Variants in DLC1 observed in about 807,000 individuals in gnomAD.
DLC1 encodes the protein rho GTPase-activating protein 7.
DLC1 carries 54 observed loss-of-function variants against 140.3 expected under a neutral mutation model. The ratio of observed to expected loss-of-function variants is 0.38; its 90% CI spans 0.31 to 0.48. The LOEUF is 0.48. Among genes scored for constraint, DLC1 ranks in the 20% least tolerant of loss-of-function variants. DLC1 has a pLI of 0.96. For missense variants in DLC1, 2,536 were observed against 1,907.0 expected (o/e 1.33, Z -6.14); for synonymous variants, 986 against 728.1 (o/e 1.35, Z -5.70).
Position 13,538,688 on chromosome 8 carries a change from T to C in DLC1, c.-125-38492A>G, listed in dbSNP as rs80055625. On this transcript the variant is annotated intron_variant, in intron 1 of 1. Transcript: ENST00000631382. ...GGGATGAATATTCCGGTTTTACAGA[T>C]GGAGAAACAGATGGACTTAATGTCA... Among the ~76,000 whole-genome samples, 729 of 152,286 alleles carry C rather than the reference T, an allele frequency of 4.8e-3. 4 individuals are homozygous for C. The highest frequency in any genetic ancestry group is 0.016 in the African/African-American group (674 of 41,556).
chr8:13,335,971 A>C (rs1478577140), intron 4 of DLC1, among the ~76,000 whole-genome samples: 1 of 152,120 alleles, frequency 6.6e-6, no homozygotes, highest in Non-Finnish European at 1.5e-5. Flanking sequence ...ACATTAAATT[A>C]TGTAATATTT....
Position 13,322,651 on chromosome 8 carries a change from T to G in DLC1, c.1315-17349A>C, listed in dbSNP as rs1169623200. On this transcript the variant is annotated intron_variant, in intron 4 of 17. Transcript: ENST00000276297. ...TCCAAATTTTAAATAATTTTTAATC[T>G]GTGCTGAAATATGCTATGTTTCTTT... Among the ~76,000 whole-genome samples the G allele has an allele frequency of 2.6e-5, 4 of 152,322 alleles. No individual in the cohort carries two copies. In the East Asian group the frequency reaches 7.7e-4, roughly 29 times the overall value.
chr8:13,485,853 T>C (rs1259169925), intron 2 of DLC1, among the ~76,000 whole-genome samples: 1 of 152,212 alleles, frequency 6.6e-6, no homozygotes. Flanking sequence ...AGCATGCTTT[T>C]TGTTTCTAGT....
At chr8:13,175,261 C>T (rs1179972221) in intron 5 of DLC1, among the ~76,000 whole-genome samples, 1 of 146,864 alleles carries the variant, frequency 6.8e-6, no homozygotes, top group Non-Finnish European at 1.5e-5. Flanking sequence ...GCTACTGTAG[C>T]TTTATAATAT....
intron 5 of DLC1, among the ~76,000 whole-genome samples, chr8:13,189,311 C>T (rs1826606412): frequency 1.3e-5 from 2 of 152,098 alleles, no homozygotes; most frequent in South Asian, 4.1e-4. Flanking sequence ...AGTGGAACTC[C>T]AGCCAAGAAA....
At chr8:13,544,029 G>T (rs955529858) in intron 1 of DLC1, among the ~76,000 whole-genome samples, 9 of 151,784 alleles carry the variant, frequency 5.9e-5, no homozygotes, top group African/African-American at 1.7e-4. Flanking sequence ...AAATAAAAAT[G>T]AACAATTTGA....
chr8:13,338,821 C>A (rs542157249), intron 4 of DLC1: 2 of 152,086 alleles, frequency 1.3e-5, no homozygotes, highest in Non-Finnish European at 2.9e-5. Flanking sequence ...AATTGAGTAA[C>A]AATAAATAGC....
At chr8:13,132,360 C>G (rs1822176383) in intron 5 of DLC1, among the ~76,000 whole-genome samples, 1 of 151,704 alleles carries the variant, frequency 6.6e-6, no homozygotes. Context: ...TAATTCCCAG[C>G]GCTTAAAGTA....
At chr8:13,110,935 C>A (rs1380439295) in intron 6 of DLC1, 112 bp from the exon 7 acceptor site, 2 of 870,422 alleles carry the variant, frequency 2.3e-6, no homozygotes, top group Non-Finnish European at 3.7e-6. Flanking sequence ...TAAGCACCTA[C>A]TGTAGGACAC....
chr8:13,211,808 T>C (rs1390505932), intron 5 of DLC1, among the ~76,000 whole-genome samples: 1 of 152,166 alleles, frequency 6.6e-6, no homozygotes, highest in Non-Finnish European at 1.5e-5. Context: ...AGGCTGGAAT[T>C]GAAAAGAAAA....
chr8:13,524,116 T>C (rs757933978), intron 1 of DLC1, among the ~76,000 whole-genome samples: 25 of 57,094 alleles, frequency 4.4e-4, no homozygotes, highest in Non-Finnish European at 9.3e-4. Flanking sequence ...TATTTATTAT[T>C]ATTATTATTA....
At chr8:13,395,109 A>C in intron 3 of DLC1, among the ~76,000 whole-genome samples, 3 of 108,286 alleles carry the variant, frequency 2.8e-5, no homozygotes, top group African/African-American at 7.1e-5. Flanking sequence ...CTATGCATCC[A>C]TCTCTCTTTA....
intron 7 of DLC1, among the ~76,000 whole-genome samples, chr8:13,104,833 AT>A (rs1433577087): frequency 6.6e-6 from 1 of 152,212 alleles, no homozygotes; most frequent in Admixed American, 6.5e-5. Flanking sequence ...CTCTCTGTTG[AT>A]GGGGAAGAAA....
intron 2 of DLC1, among the ~76,000 whole-genome samples, chr8:13,432,512 C>T (rs573264384): frequency 1.2e-4 from 19 of 152,182 alleles, no homozygotes; most frequent in East Asian, 1.2e-3. Flanking sequence ...TTCATTTTAT[C>T]GAACATCATT....
At chr8:13,540,436 C>A (rs1020460717) in intron 1 of DLC1, among the ~76,000 whole-genome samples, 1 of 152,024 alleles carries the variant, frequency 6.6e-6, no homozygotes, top group Non-Finnish European at 1.5e-5. Flanking sequence ...TTTTAATGAA[C>A]CTCTTTAGAT....
At chr8:13,565,152 A>T (rs972707127) in intron 1 of DLC1, among the ~76,000 whole-genome samples, 1 of 152,216 alleles carries the variant, frequency 6.6e-6, no homozygotes, top group Non-Finnish European at 1.5e-5. Flanking sequence ...GGTCACGCTG[A>T]ATATTACAAG....
intron 2 of DLC1, among the ~76,000 whole-genome samples, chr8:13,487,519 T>G (rs989406217): frequency 9.2e-5 from 14 of 152,008 alleles, no homozygotes; most frequent in African/African-American, 3.1e-4. Context: ...GCATAGCTGT[T>G]GAACTCACAG....
intron 4 of DLC1, among the ~76,000 whole-genome samples, chr8:13,317,815 G>A (rs1191830555): frequency 1.3e-5 from 2 of 152,142 alleles, no homozygotes; most frequent in Non-Finnish European, 1.5e-5. Flanking sequence ...CAAAGTCAGA[G>A]AAATAAGTTG....
chr8:13,551,075 C>CAGACACACACTT (rs71207163), intron 1 of DLC1, among the ~76,000 whole-genome samples: 2 of 121,718 alleles, frequency 1.6e-5, no homozygotes, highest in African/African-American at 6.1e-5. Context: ...CACACACACA[C>CAGACACACACTT]TTTTTTTTTT....
Sources: allele counts gnomAD v4.1 joint callset (sites outside exome capture counted in the v4.1 genomes callset), GRCh38; gene constraint gnomAD v4.1.1; transcripts MANE v1.5; gene names NCBI Gene and HGNC (gene_info 2026-07-23, HGNC 2026-07-21).